Variants in DHX16 observed in about 807,000 individuals in gnomAD.
DHX16 encodes DEAH-box helicase 16, also known as pre-mRNA-splicing factor ATP-dependent RNA helicase DHX16.
A neutral mutation model predicts 131.2 loss-of-function variants in DHX16; 81 were observed. That is an observed-to-expected ratio of 0.62 (90% CI 0.52 to 0.74). The LOEUF is 0.74. Among genes scored for constraint, DHX16 ranks in the 30% least tolerant of loss-of-function variants. DHX16 has a pLI of 0.00. For missense variants in DHX16, 980 were observed against 1,363.1 expected, an observed-to-expected ratio of 0.72 and a Z score of 4.43; for synonymous variants, 440 against 520.2, an observed-to-expected ratio of 0.85 and a Z score of 2.10.
intron 7 of DHX16, 105 bp downstream of exon 7, chr6:30,664,696 A>C: frequency 9.8e-7 from 1 of 1,019,106 alleles, no homozygotes; most frequent in South Asian, 1.6e-5. Flanking sequence ...TTAGTGGAAA[A>C]GATAGGTAAG....
Position 30,656,855 on chromosome 6 carries a change from A to T in DHX16, c.2149-96T>A. The T allele has an allele frequency of 6.3e-7, 1 of 1,589,934 alleles. No individual in the cohort carries two copies. Among genetic ancestry groups the T allele is most frequent in the Non-Finnish European group, 8.6e-7 (1 of 1,167,696 alleles). ...AAATCTGGAAGGATGCAAACTGCTC[A>T]TCCCGGTTCCCTAGGAAGCCCCCAC... On this transcript the variant is annotated intron_variant, in intron 13 of 19. Transcript: ENST00000376442. The surrounding 1 kb of genome is among the most constrained non-coding windows in gnomAD (Gnocchi z 5.1).
rs911226957 is a variant in DHX16 at position 30,665,873 on chromosome 6, C to A, written c.667-140G>T. ...CACCCTCTACCTTCCCTCTGCAATGCACAACCAAAACAATGACATACTCAA... is the reference window on the plus strand; with the variant it reads ...CACCCTCTACCTTCCCTCTGCAATGAACAACCAAAACAATGACATACTCAA... On this transcript the variant is annotated intron_variant, in intron 4 of 19. Transcript: ENST00000376442. This position sits in a 1 kb window ranked among gnomAD's most constrained non-coding sequence, Gnocchi z 4.8. 5 of 1,087,556 alleles carry A rather than the reference C, an allele frequency of 4.6e-6. No homozygotes were observed. The African/African-American group carries it at 7.9e-5, about 17-fold the overall frequency. The allele number at this position is 1,087,556 out of a possible 1,614,324, so 67.4% of individuals were successfully genotyped here. A position where few individuals can be genotyped will look rare whatever the true frequency, so the allele number is the denominator to read the frequency against.
intron 4 of DHX16, among the ~76,000 whole-genome samples, chr6:30,668,313 T>C (rs996217748): frequency 6.6e-6 from 1 of 152,242 alleles, no homozygotes; most frequent in Non-Finnish European, 1.5e-5. Flanking sequence ...CTTTGTTCTA[T>C]TCTTTCAACT....
chr6:30,666,585 A>C, intron 4 of DHX16, among the ~76,000 whole-genome samples: 1 of 152,158 alleles, frequency 6.6e-6, no homozygotes, highest in African/African-American at 2.4e-5. Context: ...AGGTGGGTGG[A>C]TCACCTAAGG....
At position 30,656,819 on chromosome 6, in the gene DHX16, A is replaced by G; in HGVS notation, c.2149-60T>C. 6.2e-7 allele frequency: 1 copy of G among 1,605,200 alleles called. No homozygotes were observed. The highest frequency in any genetic ancestry group is 8.5e-7 in the Non-Finnish European group (1 of 1,176,816). ...TGGTCAGGGAAAAGAAAAAGGCAGT[A>G]TTTATGCAAGAAATCTGGAAGGATG... On this transcript the variant is annotated intron_variant, in intron 13 of 19. Coordinates refer to ENST00000376442, the MANE Select transcript of DHX16 (RefSeq NM_003587.5). This position sits in a 1 kb window ranked among gnomAD's most constrained non-coding sequence, Gnocchi z 5.1.
chr6:30,660,256 A>T lies in DHX16; in HGVS notation c.1545-14T>A. 6.6e-7 allele frequency: 1 copy of T among 1,519,246 alleles called. No individual in the cohort carries two copies. Among genetic ancestry groups the T allele is most frequent in the South Asian group, 1.3e-5 (1 of 75,850 alleles). 94.1% of individuals were successfully genotyped at this position (1,519,246 alleles called of 1,614,324 possible). A position where few individuals can be genotyped will look rare whatever the true frequency, so the allele number is the denominator to read the frequency against. ...ACCATCACCACGCTGGGGAGGGAAT[A>T]GGAGAGCAATGAGGGAAGAGCGCTA... On this transcript the variant is annotated splice_polypyrimidine_tract_variant and intron_variant, in intron 9 of 19. Transcript: ENST00000376442.
Position 30,656,801 on chromosome 6 carries a change from G to C in DHX16, c.2149-42C>G. 1 of 1,608,012 alleles carries C rather than the reference G, an allele frequency of 6.2e-7. No homozygotes were observed. The highest frequency in any genetic ancestry group is 8.5e-7 in the Non-Finnish European group (1 of 1,179,108). On this transcript the variant is annotated intron_variant, in intron 13 of 19. Coordinates refer to ENST00000376442, the MANE Select transcript of DHX16 (RefSeq NM_003587.5). This position sits in a 1 kb window ranked among gnomAD's most constrained non-coding sequence, Gnocchi z 5.1. ...ACAGGCTGGCTGACAATTTGGTCAG[G>C]GAAAAGAAAAAGGCAGTATTTATGC...
intron 9 of DHX16, 125 bp from the exon 10 acceptor site, chr6:30,660,367 G>T: frequency 1.3e-6 from 1 of 777,986 alleles, no homozygotes; most frequent in Admixed American, 3.6e-5. Context: ...TTGACGGAGG[G>T]GGCTCTAAGG....
At chr6:30,669,806 G>A (rs1414328315) in intron 4 of DHX16, among the ~76,000 whole-genome samples, 1 of 150,590 alleles carries the variant, frequency 6.6e-6, no homozygotes, top group Non-Finnish European at 1.5e-5. Context: ...GGGGTATTGG[G>A]GAATCTAAGT....
chr6:30,654,154 G>C (rs1767734640), intron 19 of DHX16, among the ~76,000 whole-genome samples: 1 of 151,890 alleles, frequency 6.6e-6, no homozygotes. Context: ...ACTATACTCT[G>C]TGAGACCAGA....
chr6:30,670,756 T>C lies in DHX16; in HGVS notation c.609+34A>G, dbSNP rs1407241388. ...CAACCTCAGATTTCACCCTGGGATC[T>C]TGGGGATTTACAGAACATGCTGCTC... On this transcript the variant is annotated intron_variant, in intron 3 of 19. Transcript: ENST00000376442. This position sits in a 1 kb window ranked among gnomAD's most constrained non-coding sequence, Gnocchi z 4.4. The C allele has an allele frequency of 6.2e-7, 1 of 1,611,102 alleles. No homozygotes were observed. The highest frequency in any genetic ancestry group is 8.5e-7 in the Non-Finnish European group (1 of 1,179,292).
chr6:30,665,831 A>T lies in DHX16; in HGVS notation c.667-98T>A, dbSNP rs571623004. 82 of 1,480,608 alleles carry T rather than the reference A, an allele frequency of 5.5e-5. 1 individual carries two copies. The East Asian group carries it at 1.8e-3, about 33-fold the overall frequency. The allele number at this position is 1,480,608 out of a possible 1,614,324, so 91.7% of individuals were successfully genotyped here. A position where few individuals can be genotyped will look rare whatever the true frequency, so the allele number is the denominator to read the frequency against. ...GGGAAAAATCCCCTGACAGGCAGGC[A>T]TGAGAACCTCAGGATGCACCCTCTA... On this transcript the variant is annotated intron_variant, in intron 4 of 19. Transcript: ENST00000376442. The surrounding 1 kb of genome is among the most constrained non-coding windows in gnomAD (Gnocchi z 4.8).
chr6:30,661,075 T>A (rs1000788274), intron 9 of DHX16, among the ~76,000 whole-genome samples: 4 of 150,366 alleles, frequency 2.7e-5, no homozygotes, highest in Non-Finnish European at 4.4e-5. Flanking sequence ...TTTTTTGTAT[T>A]TTTAGTAGAG....
chr6:30,654,924 C>G, intron 18 of DHX16, 45 bp from the exon 19 acceptor site: 2 of 1,578,118 alleles, frequency 1.3e-6, no homozygotes, highest in African/African-American at 1.4e-5. Context: ...AGGCAGACAT[C>G]TGGGGACCCT....
chr6:30,657,118 C>G (rs1461076406), intron 12 of DHX16, 26 bp from the exon 13 acceptor site: 2 of 1,589,092 alleles, frequency 1.3e-6, no homozygotes, highest in Admixed American at 1.8e-5. Flanking sequence ...TGGGGTCACC[C>G]AGTGACCCCA....
rs897709665 is a variant in DHX16, at chr6:30,670,619, A to G, written c.610-153T>C. Among the ~76,000 whole-genome samples the G allele has an allele frequency of 3.3e-5, 5 of 152,208 alleles. No individual in the cohort carries two copies. The highest frequency in any genetic ancestry group is 1.2e-4 in the African/African-American group (5 of 41,450). On this transcript the variant is annotated intron_variant, in intron 3 of 19. Transcript: ENST00000376442. This position sits in a 1 kb window ranked among gnomAD's most constrained non-coding sequence, Gnocchi z 4.4. Reference sequence around the variant, plus strand: ...GAATCTCTCTGATTGCAGGTACAGCAGACAGTTGTCTTAGCCACAGGATGC... The same window carrying G: ...GAATCTCTCTGATTGCAGGTACAGCGGACAGTTGTCTTAGCCACAGGATGC...
At position 30,653,364 on chromosome 6, in the gene DHX16, C is replaced by G. The variant is rs1767635469; in HGVS notation, c.3004G>C (p.Glu1002Gln). 1.9e-6 allele frequency: 3 copies of G among 1,612,034 alleles called. No individual in the cohort carries two copies. The highest frequency in any genetic ancestry group is 1.7e-6 in the Non-Finnish European group (2 of 1,179,722). ...TTKEFMRQVL[E>Q]IESSWLLEVA... ...TCCAGAAGCCAACTGCTCTCAATCT[C>G]CAGTACCTAGGAGAGAGAAAAGATC... Residue 1002 changes from glutamate to glutamine, a missense_variant, in exon 20 of 20, where the codon GAG becomes CAG. This residue lies in a region of DHX16 where 214 missense variants were observed against 271.2 expected (regional missense o/e 0.79). Coordinates refer to ENST00000376442, the MANE Select transcript of DHX16 (RefSeq NM_003587.5).
Position 30,656,132 on chromosome 6 carries a change from A to AC in DHX16, c.2498+65dup. 1 of 1,455,316 alleles carries AC rather than the reference A, an allele frequency of 6.9e-7. No homozygotes were observed. Among genetic ancestry groups the AC allele is most frequent in the Non-Finnish European group, 9.6e-7 (1 of 1,042,988 alleles). 90.2% of individuals were successfully genotyped at this position (1,455,316 alleles called of 1,614,324 possible). On this transcript the variant is annotated intron_variant, in intron 16 of 19. Coordinates refer to ENST00000376442, the MANE Select transcript of DHX16 (RefSeq NM_003587.5). This position sits in a 1 kb window ranked among gnomAD's most constrained non-coding sequence, Gnocchi z 5.1. ...GAACAGAAAAAGACAGACAAAGGGG[A>AC]CCCTGGAGACAGAGGAGGCCTGGCC...
In DHX16 at chr6:30,663,023, T is replaced by C; in HGVS notation, c.1318-2A>G. On this transcript the variant is annotated splice_acceptor_variant, in intron 7 of 19. Coordinates refer to ENST00000376442, the MANE Select transcript of DHX16 (RefSeq NM_003587.5). LOFTEE classifies it high-confidence loss of function. Reference sequence around the variant, plus strand: ...CTTCATACCCTTGTTTGTATAACCCTGAATGACAAAGAAAAAAGAAGAAGT... The same window carrying C: ...CTTCATACCCTTGTTTGTATAACCCCGAATGACAAAGAAAAAAGAAGAAGT... 6.3e-7 allele frequency: 1 copy of C among 1,599,728 alleles called. No homozygotes were observed. The highest frequency in any genetic ancestry group is 8.5e-7 in the Non-Finnish European group (1 of 1,174,310).
Sources: allele counts gnomAD v4.1 joint callset (sites outside exome capture counted in the v4.1 genomes callset), GRCh38; gene constraint gnomAD v4.1.1; regional missense constraint gnomAD v4.1.1; non-coding constraint Gnocchi (gnomAD v3.1); transcripts MANE v1.5; gene names NCBI Gene and HGNC (gene_info 2026-07-23, HGNC 2026-07-21).